The following RSU1 variants were observed in gnomAD, a reference collection of about 807,000 sequenced individuals.
The protein encoded by RSU1 is Ras suppressor protein 1.
In RSU1, 26 loss-of-function variants were observed where a neutral mutation model predicts 31.1. That is an observed-to-expected ratio of 0.84 (90% CI 0.61 to 1.16). The LOEUF (loss-of-function observed/expected upper bound fraction) is 1.16. Ranked by LOEUF, RSU1 falls within the 50% of genes most tolerant of loss-of-function variation. The pLI, the probability that RSU1 is intolerant of heterozygous loss-of-function variation, is 0.00. For synonymous variants in RSU1, 164 were observed against 136.3 expected, an observed-to-expected ratio of 1.20 and a Z score of -1.41; for missense variants, 320 against 339.1, an observed-to-expected ratio of 0.94 and a Z score of 0.44.
At chr10:16,742,129 C>A (rs1372490960) in intron 7 of RSU1, among the ~76,000 whole-genome samples, 1 of 152,120 alleles carries the variant, frequency 6.6e-6, no homozygotes, top group Non-Finnish European at 1.5e-5. Flanking sequence ...TAAAATCACT[C>A]TACGTATGTT....
chr10:16,801,039 A>G lies in RSU1; in HGVS notation c.109+15934T>C, dbSNP rs1028439915. On this transcript the variant is annotated intron_variant, in intron 2 of 8. Transcript: ENST00000345264. ...TAATCTAAGTAATATCAATTATCACATTAGATGTTAATAACCAAACATATC... is the reference window on the plus strand; with the variant it reads ...TAATCTAAGTAATATCAATTATCACGTTAGATGTTAATAACCAAACATATC... Among the ~76,000 whole-genome samples the G allele has an allele frequency of 3.3e-5, 5 of 151,964 alleles. 1 individual carries two copies. The highest frequency in any genetic ancestry group is 2.9e-5 in the Non-Finnish European group (2 of 67,934).
intron 8 of RSU1, among the ~76,000 whole-genome samples, chr10:16,649,517 G>C (rs1297706071): frequency 6.6e-6 from 1 of 152,084 alleles, no homozygotes; most frequent in African/African-American, 2.4e-5. Flanking sequence ...CAATATGGAA[G>C]GGGCACACAC....
intron 8 of RSU1, among the ~76,000 whole-genome samples, chr10:16,628,904 C>T (rs956215701): frequency 1.6e-4 from 25 of 152,172 alleles, no homozygotes; most frequent in African/African-American, 6.0e-4. Flanking sequence ...CTCAACCACA[C>T]AAGCAGCAAG....
intron 8 of RSU1, among the ~76,000 whole-genome samples, chr10:16,628,345 T>C (rs1834193216): frequency 1.3e-5 from 2 of 152,216 alleles, no homozygotes; most frequent in Non-Finnish European, 2.9e-5. Context: ...GAACACATTA[T>C]TCATACCACG....
chr10:16,773,649 A>T (rs1412152847), intron 3 of RSU1, among the ~76,000 whole-genome samples: 3 of 152,180 alleles, frequency 2.0e-5, no homozygotes, highest in Non-Finnish European at 4.4e-5. Context: ...TCCTCCACGT[A>T]ATACAGAGTG....
At chr10:16,606,406 AG>A (rs1833805304) in intron 8 of RSU1, among the ~76,000 whole-genome samples, 1 of 152,190 alleles carries the variant, frequency 6.6e-6, no homozygotes, top group South Asian at 2.1e-4. Context: ...CTGGGATTAC[AG>A]GTACAACTCA....
chr10:16,708,130 G>C lies in RSU1; in HGVS notation c.599-12975C>G, dbSNP rs7893571. 8.1e-4 allele frequency among the ~76,000 whole-genome samples: 123 copies of C among 152,080 alleles called. 2 individuals carry two copies. The highest frequency in any genetic ancestry group is 3.0e-3 in the African/African-American group (123 of 41,544). ...AGGTTCCCATAACTTTGTAGTAGCA[G>C]TGACCCTTGAACAACTTTTGACTTC... is the stretch of plus-strand genomic sequence containing the variant. On this transcript the variant is annotated intron_variant, in intron 7 of 8. Coordinates refer to ENST00000345264, the MANE Select transcript of RSU1 (RefSeq NM_012425.4).
chr10:16,804,941 A>G (rs1178899690), intron 2 of RSU1, among the ~76,000 whole-genome samples: 2 of 152,186 alleles, frequency 1.3e-5, no homozygotes, highest in Non-Finnish European at 2.9e-5. Context: ...CCATAAAACT[A>G]TACTATATAC....
chr10:16,669,282 C>A (rs1835059608), intron 8 of RSU1, among the ~76,000 whole-genome samples: 1 of 152,136 alleles, frequency 6.6e-6, no homozygotes, highest in Non-Finnish European at 1.5e-5. Context: ...GAATGTAGAA[C>A]TGTCATTCAA....
At chr10:16,671,875 C>CT (rs1351731354) in intron 8 of RSU1, among the ~76,000 whole-genome samples, 1 of 151,684 alleles carries the variant, frequency 6.6e-6, no homozygotes, top group Admixed American at 6.6e-5. Context: ...ATCGACCCCC[C>CT]TCGGCCTCCC....
chr10:16,739,532 G>A (rs35697574), intron 7 of RSU1, among the ~76,000 whole-genome samples: 37,119 of 145,112 alleles, frequency 0.26, 5,589 homozygotes, highest in African/African-American at 0.43. Context: ...GTGCAGTGGC[G>A]CAATCTCGGC....
At chr10:16,636,934 C>T (rs1242266434) in intron 8 of RSU1, among the ~76,000 whole-genome samples, 3 of 152,190 alleles carry the variant, frequency 2.0e-5, no homozygotes, top group African/African-American at 2.4e-5. Context: ...CCCCACTAGA[C>T]TCCAAACTGC....
chr10:16,595,392 A>T (rs1833594290), intron 8 of RSU1, among the ~76,000 whole-genome samples: 1 of 152,194 alleles, frequency 6.6e-6, no homozygotes, highest in African/African-American at 2.4e-5. Flanking sequence ...GAGGCGGTAC[A>T]AGCAGGTTCC....
At chr10:16,656,662 A>T (rs1050550257) in intron 8 of RSU1, among the ~76,000 whole-genome samples, 111 of 152,232 alleles carry the variant, frequency 7.3e-4, no homozygotes, top group African/African-American at 2.5e-3. Context: ...ATGCACAATC[A>T]TGTATGGAAT....
intron 2 of RSU1, among the ~76,000 whole-genome samples, chr10:16,811,498 C>G (rs1274878335): frequency 6.6e-6 from 1 of 152,130 alleles, no homozygotes; most frequent in African/African-American, 2.4e-5. Flanking sequence ...GGTCAAGCAA[C>G]TTGCCCAAGG....
In RSU1 at chr10:16,790,067, G is replaced by A. The variant is rs1056622267; in HGVS notation, c.110-7983C>T. On this transcript the variant is annotated intron_variant, in intron 2 of 8. Transcript: ENST00000345264. The stretch of plus-strand genomic sequence containing the variant: ...TTGTGGGGTGTGGGGGCAGGGTGAG[G>A]TTGCTGGCACTGTCCCTGTGATTTA... 3.4e-4 allele frequency among the ~76,000 whole-genome samples: 52 copies of A among 152,140 alleles called. 3 individuals are homozygous for A. The highest frequency in any genetic ancestry group is 2.9e-5 in the Non-Finnish European group (2 of 68,020).
chr10:16,770,728 C>G (rs1046886892), intron 3 of RSU1, among the ~76,000 whole-genome samples: 3 of 152,202 alleles, frequency 2.0e-5, no homozygotes, highest in African/African-American at 7.2e-5. Context: ...AAGGCAGGTA[C>G]TTCGTGGGAG....
intron 2 of RSU1, among the ~76,000 whole-genome samples, chr10:16,793,244 C>T (rs549648713): frequency 3.3e-5 from 5 of 152,032 alleles, no homozygotes; most frequent in African/African-American, 1.2e-4. Flanking sequence ...AGTAAGTTTT[C>T]AAAACACTTG....
intron 3 of RSU1, among the ~76,000 whole-genome samples, chr10:16,773,208 G>GA (rs565619502): frequency 0.05 from 6,922 of 137,108 alleles, 346 homozygotes; most frequent in African/African-American, 0.14. Flanking sequence ...CAAAAAAAAA[G>GA]AAAAAAAAAA....
Sources: gnomAD v4.1 joint callset for allele counts (sites outside exome capture counted in the v4.1 genomes callset) on GRCh38, gnomAD v4.1.1 for gene constraint, MANE v1.5 for transcripts, NCBI Gene and HGNC (gene_info 2026-07-23, HGNC 2026-07-21) for gene names.